The following PRKAG2 variants were observed in gnomAD, a reference collection of about 807,000 sequenced individuals.
PRKAG2 encodes the protein 5'-AMP-activated protein kinase subunit gamma-2.
Under a neutral mutation model 69.6 loss-of-function variants are expected in PRKAG2, and 26 were observed. The observed-to-expected ratio is 0.37, with a 90% CI of 0.27 to 0.52. The LOEUF is 0.52. PRKAG2 is among the 20% of genes least tolerant of loss of function. The pLI is 0.90. For synonymous variants in PRKAG2, 293 were observed against 285.0 expected, an observed-to-expected ratio of 1.03 and a Z score of -0.28; for missense variants, 557 against 740.0, an observed-to-expected ratio of 0.75 and a Z score of 2.87.
intron 14 of PRKAG2, 152 bp from the exon 15 acceptor site, chr7:151,560,769 A>T: frequency 9.1e-7 from 1 of 1,102,722 alleles, no homozygotes; most frequent in Non-Finnish European, 1.3e-6. Context: ...CAAAAACATT[A>T]GACAGTGGCT....
At chr7:151,822,794 G>C (rs1180128584) in intron 1 of PRKAG2, among the ~76,000 whole-genome samples, 1 of 152,142 alleles carries the variant, frequency 6.6e-6, no homozygotes, top group African/African-American at 2.4e-5. Flanking sequence ...CCTGGGTCAG[G>C]TGACAGGGAC....
rs138472462 is a variant in PRKAG2 at position 151,705,223 on chromosome 7, C to G, written c.467-29586G>C. 4.3e-3 allele frequency among the ~76,000 whole-genome samples: 660 copies of G among 152,280 alleles called. 6 individuals are homozygous for G. The highest frequency in any genetic ancestry group is 0.015 in the African/African-American group (636 of 41,562). ...CAGGTTATCAAGCTGCTCTGGAAAC[C>G]CCTCTGGTCTCAGAGTTGGCTGAGA... On this transcript the variant is annotated intron_variant, in intron 3 of 15. Transcript: ENST00000287878.
chr7:151,557,230 C>G lies in PRKAG2; in HGVS notation c.1681G>C (p.Ala561Pro), dbSNP rs61744760. 24 of 1,614,030 alleles carry G rather than the reference C, an allele frequency of 1.5e-5. 1 individual carries two copies. The highest frequency in any genetic ancestry group is 1.8e-5 in the Non-Finnish European group (21 of 1,180,024). ...TCCGTTTCTGTCTCCTTTTGTTTGG[C>G]ACCTGTCAGTGGATGGAAGATGAAA... ...LQALILTPAG[A>P]KQKETETE is the part of the protein sequence containing the mutation. The change falls in exon 16 of 16, where the codon GCC becomes CCC. Residue 561 changes from alanine to proline, a missense_variant and splice_region_variant. Ala to Pro is a conservative substitution (Grantham distance 27). Around this residue, in one of 2 missense-constraint regions of PRKAG2, gnomAD observed 205 missense variants for 383.4 expected, o/e 0.53. Coordinates refer to ENST00000287878, the MANE Select transcript of PRKAG2 (RefSeq NM_016203.4).
intron 1 of PRKAG2, among the ~76,000 whole-genome samples, chr7:151,851,463 G>A (rs565243381): frequency 7.9e-5 from 12 of 152,310 alleles, no homozygotes; most frequent in Middle Eastern, 3.4e-3. Flanking sequence ...ACTCCTGGCT[G>A]GCCCAGGCTG....
chr7:151,585,438 A>G (rs1033529529), intron 6 of PRKAG2, among the ~76,000 whole-genome samples: 7 of 114,984 alleles, frequency 6.1e-5, no homozygotes, highest in African/African-American at 2.2e-4. Flanking sequence ...GAAATTGTTA[A>G]TATGTGCTTT....
chr7:151,792,380 A>G (rs2077305281), intron 1 of PRKAG2, among the ~76,000 whole-genome samples: 1 of 152,226 alleles, frequency 6.6e-6, no homozygotes, highest in Non-Finnish European at 1.5e-5. Flanking sequence ...GGAGTCACAT[A>G]CAGCTCCTCC....
chr7:151,727,667 C>A (rs1453810450), intron 3 of PRKAG2, among the ~76,000 whole-genome samples: 2 of 152,072 alleles, frequency 1.3e-5, no homozygotes, highest in Non-Finnish European at 2.9e-5. Context: ...TTTCCATCAG[C>A]CTTAGCTGTT....
At position 151,583,948 on chromosome 7, in the gene PRKAG2, T is replaced by C. The variant is rs1811055959; in HGVS notation, c.865-7496A>G. 6.6e-6 allele frequency among the ~76,000 whole-genome samples: 1 copy of C among 152,198 alleles called. No individual in the cohort carries two copies. Among genetic ancestry groups the C allele is most frequent in the South Asian group, 2.1e-4 (1 of 4,832 alleles). On this transcript the variant is annotated intron_variant, in intron 6 of 15. Coordinates refer to ENST00000287878, the MANE Select transcript of PRKAG2 (RefSeq NM_016203.4). This position sits in a 1 kb window ranked among gnomAD's most constrained non-coding sequence, Gnocchi z 4.1. ...TTCCCCAGAATGGGAAGCTGGTTCC[T>C]CTGATGCCTCACTGCTTTCTACACA...
intron 3 of PRKAG2, among the ~76,000 whole-genome samples, chr7:151,775,730 C>A (rs1563646006): frequency 1.3e-5 from 2 of 152,156 alleles, no homozygotes; most frequent in Non-Finnish European, 2.9e-5. Flanking sequence ...GTACCAAGAC[C>A]AGACAGCAAG....
intron 5 of PRKAG2, among the ~76,000 whole-genome samples, chr7:151,605,195 T>C (rs988553478): frequency 2.0e-5 from 3 of 151,694 alleles, no homozygotes; most frequent in Non-Finnish European, 4.4e-5. Context: ...CCTTGTATTT[T>C]TAGTAGAGAC....
chr7:151,875,567 GTGT>G (rs1563774150), intron 1 of PRKAG2, among the ~76,000 whole-genome samples: 4 of 37,576 alleles, frequency 1.1e-4, no homozygotes, highest in Admixed American at 4.6e-4. Flanking sequence ...ACTCTGGTGT[GTGT>G]GTGTGTGTGT....
chr7:151,849,651 T>C (rs551503215), intron 1 of PRKAG2, among the ~76,000 whole-genome samples: 1 of 152,268 alleles, frequency 6.6e-6, no homozygotes, highest in African/African-American at 2.4e-5. Context: ...TCCGTGCCTC[T>C]TCCTAGTTCT....
At chr7:151,652,821 G>T (rs897422220) in intron 4 of PRKAG2, among the ~76,000 whole-genome samples, 1 of 152,034 alleles carries the variant, frequency 6.6e-6, no homozygotes, top group Non-Finnish European at 1.5e-5. Flanking sequence ...GTTTCACCAC[G>T]TTGTCCAGGC....
intron 1 of PRKAG2, among the ~76,000 whole-genome samples, chr7:151,870,146 T>C (rs2080181365): frequency 7.6e-6 from 1 of 132,356 alleles, no homozygotes; most frequent in African/African-American, 2.7e-5. Flanking sequence ...GATAGATAGA[T>C]AGATAGATAG....
intron 3 of PRKAG2, among the ~76,000 whole-genome samples, chr7:151,696,962 G>C (rs1027695450): frequency 7.2e-5 from 11 of 152,168 alleles, no homozygotes; most frequent in Admixed American, 5.9e-4. Context: ...ACCTGCCGCA[G>C]ATTCCCCGAG....
At chr7:151,673,434 C>CGGAAA (rs1260646518) in intron 4 of PRKAG2, among the ~76,000 whole-genome samples, 2 of 152,146 alleles carry the variant, frequency 1.3e-5, no homozygotes, top group Non-Finnish European at 2.9e-5. Context: ...GTTTCTCCCT[C>CGGAAA]CTGTAGGGCC....
chr7:151,592,282 C>T (rs148055692), intron 6 of PRKAG2, among the ~76,000 whole-genome samples: 1 of 152,216 alleles, frequency 6.6e-6, no homozygotes, highest in East Asian at 1.9e-4. Context: ...TTACATCCCC[C>T]AGCAGGCAGA....
chr7:151,608,499 G>A (rs1157130666), intron 5 of PRKAG2, among the ~76,000 whole-genome samples: 2 of 152,118 alleles, frequency 1.3e-5, no homozygotes, highest in Non-Finnish European at 2.9e-5. Flanking sequence ...AGCAGTGGAC[G>A]TCCCTTGCTC....
intron 4 of PRKAG2, among the ~76,000 whole-genome samples, chr7:151,643,530 A>G (rs1827098208): frequency 1.3e-5 from 2 of 152,230 alleles, no homozygotes; most frequent in Non-Finnish European, 2.9e-5. Context: ...GAGACAGACT[A>G]CTTCCACTTC....
Sources: gnomAD v4.1 joint callset for allele counts (sites outside exome capture counted in the v4.1 genomes callset) on GRCh38, gnomAD v4.1.1 for gene constraint, gnomAD v4.1.1 regional missense constraint, Gnocchi (gnomAD v3.1) non-coding constraint, MANE v1.5 for transcripts, NCBI Gene and HGNC (gene_info 2026-07-23, HGNC 2026-07-21) for gene names.